Variants in MGAT4C observed in about 807,000 individuals in gnomAD.
MGAT4C encodes alpha-1,3-mannosyl-glycoprotein 4-beta-N-acetylglucosaminyltransferase C.
A neutral mutation model predicts 40.1 loss-of-function variants in MGAT4C; 19 were observed. That is an observed-to-expected ratio of 0.47 (90% confidence interval 0.33 to 0.70). MGAT4C has a LOEUF of 0.70. Ranked by LOEUF, MGAT4C falls within the 30% of genes least tolerant of loss-of-function variation. MGAT4C has a pLI of 0.02. For missense variants in MGAT4C, 491 were observed against 563.2 expected (o/e 0.87, Z 1.30); for synonymous variants, 181 against 187.1 (o/e 0.97, Z 0.27).
At chr12:86,763,122 T>C (rs1229121142) in intron 1 of MGAT4C, among the ~76,000 whole-genome samples, 1 of 152,206 alleles carries the variant, frequency 6.6e-6, no homozygotes, top group Non-Finnish European at 1.5e-5. Context: ...GTTCCTGTTT[T>C]ATTTTACTTG....
Position 86,660,960 on chromosome 12 carries a change from G to T in MGAT4C, c.-229+66249C>A, listed in dbSNP as rs763936102. On this transcript the variant is annotated intron_variant, in intron 2 of 7. Coordinates refer to the MGAT4C transcript ENST00000548651. ...TCTCAATAAATCAAGAGTGACATCT[G>T]CATGGTGATTCATAGCCCTGGGTAG... Among the ~76,000 whole-genome samples, 6 of 152,306 alleles carry T rather than the reference G, an allele frequency of 3.9e-5. No individual in the cohort carries two copies. The South Asian group carries it at 6.2e-4, about 16-fold the overall frequency.
In MGAT4C at chr12:85,972,011, C is replaced by A. The variant is rs10863128; in HGVS notation, c.*7278G>T. 0.26 allele frequency: 38,553 copies of A among 150,934 alleles called. 5,606 individuals carry two copies. The highest frequency in any genetic ancestry group is 0.33 in the Non-Finnish European group (22,103 of 67,136). The allele number at this position is 150,934 out of a possible 1,614,324, so 9.3% of individuals were successfully genotyped here. A position where few individuals can be genotyped will look rare whatever the true frequency, so the allele number is the denominator to read the frequency against. The stretch of plus-strand genomic sequence containing the variant: ...AACTCAGCAGAAAGTTAGAGGGCAG[C>A]ATACATACATTGGTTTATGGATTTA... On this transcript the variant is annotated 3_prime_UTR_variant, in exon 5 of 5. Transcript: ENST00000611864.
chr12:86,609,463 T>TA (rs992209350), intron 2 of MGAT4C, among the ~76,000 whole-genome samples: 26 of 150,704 alleles, frequency 1.7e-4, no homozygotes, highest in East Asian at 5.8e-4. Flanking sequence ...TTTTAAAAAG[T>TA]AAAAAAAAAG....
In MGAT4C at chr12:86,000,221, CA is replaced by C. The variant is rs1255460664; in HGVS notation, c.-6-10670del. 5.3e-5 allele frequency among the ~76,000 whole-genome samples: 8 copies of C among 150,968 alleles called. No individual in the cohort carries two copies. The East Asian group carries it at 1.5e-3, about 29-fold the overall frequency. The stretch of plus-strand genomic sequence containing the variant: ...TAAGCTACAAAAAGAGCAAATTAGG[CA>C]AAAAGTAAACAAAATAAAAATGACA... On this transcript the variant is annotated intron_variant, in intron 2 of 4. Coordinates refer to ENST00000611864, the MANE Select transcript of MGAT4C (RefSeq NM_001351288.2).
chr12:86,354,764 T>G (rs2136195041), intron 3 of MGAT4C, among the ~76,000 whole-genome samples: 1 of 152,248 alleles, frequency 6.6e-6, no homozygotes, highest in African/African-American at 2.4e-5. Flanking sequence ...AAGGTATCAT[T>G]ATGTGTCCGG....
At chr12:86,113,716 A>G (rs1877860604) in intron 1 of MGAT4C, among the ~76,000 whole-genome samples, 1 of 151,884 alleles carries the variant, frequency 6.6e-6, no homozygotes, top group African/African-American at 2.4e-5. Flanking sequence ...GGGTAAAATC[A>G]ACTGCTCATT....
intron 2 of MGAT4C, among the ~76,000 whole-genome samples, chr12:86,666,875 A>G (rs1398385322): frequency 1.4e-5 from 2 of 147,876 alleles, no homozygotes; most frequent in Admixed American, 1.3e-4. Context: ...AGATCATACC[A>G]TAAAGATGAA....
chr12:86,743,748 G>A (rs1428306966), intron 1 of MGAT4C, among the ~76,000 whole-genome samples: 3 of 151,552 alleles, frequency 2.0e-5, no homozygotes, highest in African/African-American at 7.3e-5. Context: ...CATCTCTATA[G>A]GATTACTACT....
intron 1 of MGAT4C, among the ~76,000 whole-genome samples, chr12:86,111,105 C>T (rs1323357129): frequency 1.3e-5 from 2 of 151,388 alleles, no homozygotes; most frequent in East Asian, 1.9e-4. Context: ...GTTTTTAAAC[C>T]ATAGAAAGTT....
intron 1 of MGAT4C, among the ~76,000 whole-genome samples, chr12:86,780,651 C>T (rs1301218487): frequency 6.6e-6 from 1 of 152,138 alleles, no homozygotes; most frequent in Non-Finnish European, 1.5e-5. Context: ...TACAGTTCTA[C>T]GAATCAGTTA....
chr12:86,673,817 A>T (rs1593101661), intron 2 of MGAT4C, among the ~76,000 whole-genome samples: 1 of 152,088 alleles, frequency 6.6e-6, no homozygotes, highest in Admixed American at 6.5e-5. Context: ...ACGTATATGG[A>T]TCTGAGAAAA....
At chr12:86,345,425 C>T (rs187733241) in intron 3 of MGAT4C, among the ~76,000 whole-genome samples, 28 of 152,150 alleles carry the variant, frequency 1.8e-4, no homozygotes, top group Non-Finnish European at 3.5e-4. Context: ...TCCCTCCCCC[C>T]TTCCCCCACC....
rs948315050 is a variant in MGAT4C at position 85,959,036 on chromosome 12, A to G, written c.*20253T>C. On this transcript the variant is annotated 3_prime_UTR_variant, in exon 5 of 5. Coordinates refer to ENST00000611864, the MANE Select transcript of MGAT4C (RefSeq NM_001351288.2). ...TCTGGTAACCACTATACAATACAAT[A>G]CAATACAATACAATACAATACAATA... 10 of 148,780 alleles carry G rather than the reference A, an allele frequency of 6.7e-5. No individual in the cohort carries two copies. The highest frequency in any genetic ancestry group is 5.4e-4 in the Admixed American group (8 of 14,834). 9.2% of individuals were successfully genotyped at this position (148,780 alleles called of 1,614,324 possible). A position where few individuals can be genotyped will look rare whatever the true frequency, so the allele number is the denominator to read the frequency against.
At chr12:86,034,321 G>T (rs1403323645) in intron 2 of MGAT4C, among the ~76,000 whole-genome samples, 6 of 149,530 alleles carry the variant, frequency 4.0e-5, no homozygotes, top group African/African-American at 1.5e-4. Context: ...AGTTTCAGAA[G>T]GAATAGTACC....
chr12:86,771,797 T>C (rs1951644187), intron 1 of MGAT4C, among the ~76,000 whole-genome samples: 3 of 151,826 alleles, frequency 2.0e-5, no homozygotes. Flanking sequence ...AGAGAAACAT[T>C]ACTGAAACTG....
intron 1 of MGAT4C, among the ~76,000 whole-genome samples, chr12:86,191,632 AACAC>A (rs61626246): frequency 0.3 from 35,902 of 121,506 alleles, 5,170 homozygotes; most frequent in Non-Finnish European, 0.33. Context: ...CAAAAAACAA[AACAC>A]ACACACACAC....
At chr12:86,012,371 C>T (rs1184807546) in intron 2 of MGAT4C, among the ~76,000 whole-genome samples, 1 of 152,170 alleles carries the variant, frequency 6.6e-6, no homozygotes, top group Non-Finnish European at 1.5e-5. Flanking sequence ...GTACCAAATA[C>T]ATGCAGCATT....
chr12:86,473,653 T>C (rs974349008), intron 2 of MGAT4C, among the ~76,000 whole-genome samples: 1 of 152,234 alleles, frequency 6.6e-6, no homozygotes, highest in Non-Finnish European at 1.5e-5. Flanking sequence ...AATGGCAATA[T>C]TGCATAATAA....
At chr12:86,078,699 G>A (rs546940419) in intron 1 of MGAT4C, among the ~76,000 whole-genome samples, 1 of 152,276 alleles carries the variant, frequency 6.6e-6, no homozygotes, top group South Asian at 2.1e-4. Context: ...CCGTGTTGCT[G>A]GGCCCATGCA....
Sources: gnomAD v4.1 joint callset for allele counts (sites outside exome capture counted in the v4.1 genomes callset) on GRCh38, gnomAD v4.1.1 for gene constraint, MANE v1.5 for transcripts, NCBI Gene and HGNC (gene_info 2026-07-23, HGNC 2026-07-21) for gene names.